NRXN1: variants seen among roughly 807,000 people sequenced by gnomAD.
NRXN1 encodes neurexin 1.
NRXN1 carries 39 observed loss-of-function variants against 150.9 expected under a neutral mutation model. That is an observed-to-expected ratio of 0.26 (90% CI 0.20 to 0.34). The LOEUF is 0.34. Among genes scored for constraint, NRXN1 ranks in the 10% least tolerant of loss-of-function variants. The pLI is 1.00. For missense variants in NRXN1, 1,815 were observed against 1,949.9 expected, an observed-to-expected ratio of 0.93 and a Z score of 1.30; for synonymous variants, 924 against 757.0, an observed-to-expected ratio of 1.22 and a Z score of -3.62.
At chr2:50,882,528 G>T (rs1679604215) in intron 5 of NRXN1, among the ~76,000 whole-genome samples, 1 of 151,806 alleles carries the variant, frequency 6.6e-6, no homozygotes, top group Non-Finnish European at 1.5e-5. Flanking sequence ...CTTCAGTGCA[G>T]TTTTCTCCCC....
chr2:50,841,279 C>T (rs1672833592), intron 5 of NRXN1: 1 of 152,574 alleles, frequency 6.6e-6, no homozygotes, highest in Non-Finnish European at 1.5e-5. Flanking sequence ...AAGGACATGA[C>T]ACAGCTTTAT....
chr2:50,962,249 C>T (rs1009812739), intron 2 of NRXN1, among the ~76,000 whole-genome samples: 11 of 151,668 alleles, frequency 7.3e-5, no homozygotes, highest in African/African-American at 2.7e-4. Context: ...CAAAAGGCGC[C>T]TCTCCCTTCG....
chr2:50,914,396 G>A (rs62142976), intron 5 of NRXN1, among the ~76,000 whole-genome samples: 12,609 of 151,574 alleles, frequency 0.083, 577 homozygotes, highest in South Asian at 0.12. Flanking sequence ...TCCTGAAAAC[G>A]TCGCAATGAA....
At chr2:50,465,343 C>G in intron 17 of NRXN1, 99 bp downstream of exon 17, 1 of 1,233,260 alleles carries the variant, frequency 8.1e-7, no homozygotes, top group African/African-American at 1.5e-5. Flanking sequence ...GTTCGACTGA[C>G]TCAGAGTTAA....
At chr2:50,373,122 G>A (rs899095984) in intron 17 of NRXN1, among the ~76,000 whole-genome samples, 1 of 151,842 alleles carries the variant, frequency 6.6e-6, no homozygotes, top group Admixed American at 6.6e-5. Context: ...AAGTATGAGT[G>A]TAGACTCTTG....
In NRXN1 at chr2:50,990,850, C is replaced by T. The variant is rs571710328; in HGVS notation, c.772+36652G>A. On this transcript the variant is annotated intron_variant, in intron 2 of 22. Transcript: ENST00000401669. ...AAAAAGCTTTCCCAGGTGGAGACCT[C>T]GCCATTTCTCAAATCTTAGCCTTCC... Among the ~76,000 whole-genome samples, 7 of 152,080 alleles carry T rather than the reference C, an allele frequency of 4.6e-5. No individual in the cohort carries two copies. In the East Asian group the frequency reaches 5.8e-4, roughly 13 times the overall value.
chr2:50,875,745 T>C (rs1283628805), intron 5 of NRXN1, among the ~76,000 whole-genome samples: 1 of 151,800 alleles, frequency 6.6e-6, no homozygotes, highest in Non-Finnish European at 1.5e-5. Flanking sequence ...GAATTATGAT[T>C]TTGTGTTGGC....
chr2:50,863,790 C>T (rs1676482295), intron 5 of NRXN1, among the ~76,000 whole-genome samples: 1 of 151,966 alleles, frequency 6.6e-6, no homozygotes, highest in Admixed American at 6.6e-5. Context: ...AAACCCTAGT[C>T]AGACATTAAA....
chr2:49,980,247 G>C (rs372561881), intron 21 of NRXN1, among the ~76,000 whole-genome samples: 1 of 152,160 alleles, frequency 6.6e-6, no homozygotes, highest in African/African-American at 2.4e-5. Flanking sequence ...TAAACATCCA[G>C]ATTTCTGGGC....
At chr2:50,241,569 C>T (rs1203857382) in intron 17 of NRXN1, among the ~76,000 whole-genome samples, 1 of 151,744 alleles carries the variant, frequency 6.6e-6, no homozygotes, top group Non-Finnish European at 1.5e-5. Context: ...TTAAGCTGTG[C>T]AGCAAGCCTC....
intron 5 of NRXN1, chr2:50,829,827 C>A (rs1478186122): frequency 4.4e-6 from 6 of 1,348,504 alleles, no homozygotes; most frequent in African/African-American, 1.5e-5. Context: ...TAATATATAA[C>A]TTCTCTTTCA....
chr2:50,155,950 T>C (rs2058993360), intron 18 of NRXN1, among the ~76,000 whole-genome samples: 1 of 151,724 alleles, frequency 6.6e-6, no homozygotes, highest in African/African-American at 2.4e-5. Flanking sequence ...TTTATTTGCA[T>C]ATTTAAGTTG....
At chr2:51,023,882 T>C (rs780175861) in intron 2 of NRXN1, among the ~76,000 whole-genome samples, 2 of 152,162 alleles carry the variant, frequency 1.3e-5, no homozygotes, top group Non-Finnish European at 2.9e-5. Context: ...CATACTGACA[T>C]GTTCAGTGAC....
intron 19 of NRXN1, among the ~76,000 whole-genome samples, chr2:50,078,574 C>T (rs1697438188): frequency 6.6e-6 from 1 of 152,106 alleles, no homozygotes; most frequent in African/African-American, 2.4e-5. Flanking sequence ...TCTAACCCAG[C>T]TCCCACATTG....
At chr2:50,875,081 TG>T (rs1432964458) in intron 5 of NRXN1, among the ~76,000 whole-genome samples, 1 of 151,792 alleles carries the variant, frequency 6.6e-6, no homozygotes, top group Non-Finnish European at 1.5e-5. Context: ...TGTTCTACTT[TG>T]TTTTAAAGAG....
At chr2:50,622,871 G>T (rs931644648) in intron 6 of NRXN1, among the ~76,000 whole-genome samples, 3 of 152,144 alleles carry the variant, frequency 2.0e-5, no homozygotes, top group African/African-American at 7.2e-5. Context: ...GGGTTGGGAG[G>T]AGGAGGGAGT....
At chr2:50,811,400 C>A (rs893407825) in intron 5 of NRXN1, among the ~76,000 whole-genome samples, 1 of 152,296 alleles carries the variant, frequency 6.6e-6, no homozygotes, top group South Asian at 2.1e-4. Context: ...TCCAGATATA[C>A]AATAAGTGAT....
At chr2:50,736,288 G>C (rs1339222254) in intron 5 of NRXN1, among the ~76,000 whole-genome samples, 1 of 152,040 alleles carries the variant, frequency 6.6e-6, no homozygotes, top group African/African-American at 2.4e-5. Flanking sequence ...CATCACAAAT[G>C]TCATTTCTTT....
At chr2:50,654,166 G>T (rs1573980035) in intron 5 of NRXN1, among the ~76,000 whole-genome samples, 1 of 100,066 alleles carries the variant, frequency 1.0e-5, no homozygotes. Context: ...ATCTCCTAAT[G>T]CTATCCCTCC....
Sources: allele counts gnomAD v4.1 joint callset (sites outside exome capture counted in the v4.1 genomes callset), GRCh38; gene constraint gnomAD v4.1.1; transcripts MANE v1.5; gene names NCBI Gene and HGNC (gene_info 2026-07-23, HGNC 2026-07-21).